KCNMA1: variants seen among roughly 807,000 people sequenced by gnomAD.
KCNMA1 encodes Calcium-activated potassium channel subunit alpha-1.
KCNMA1 carries 29 observed loss-of-function variants against 140.0 expected under a neutral mutation model. That is an observed-to-expected ratio of 0.21 (90% CI 0.15 to 0.28). KCNMA1 has a LOEUF of 0.28. Among genes scored for constraint, KCNMA1 ranks in the 10% least tolerant of loss-of-function variants. KCNMA1 has a pLI of 1.00. For synonymous variants in KCNMA1, 612 were observed against 611.9 expected (o/e 1.00, Z 0.00); for missense variants, 880 against 1,602.2 (o/e 0.55, Z 7.70).
intron 15 of KCNMA1, among the ~76,000 whole-genome samples, chr10:77,030,537 AC>A (rs1240878024): frequency 2.0e-5 from 3 of 152,142 alleles, no homozygotes; most frequent in Non-Finnish European, 4.4e-5. Flanking sequence ...ATGAGCAATG[AC>A]CAGTCCACTT....
chr10:77,262,832 C>T (rs748816516), intron 2 of KCNMA1, among the ~76,000 whole-genome samples: 14 of 152,020 alleles, frequency 9.2e-5, no homozygotes, highest in Non-Finnish European at 1.9e-4. Context: ...GAACCATGAA[C>T]CAAGATAAAT....
intron 1 of KCNMA1, among the ~76,000 whole-genome samples, chr10:77,432,586 C>T (rs2097175958): frequency 6.6e-6 from 1 of 152,160 alleles, no homozygotes; most frequent in Admixed American, 6.5e-5. Context: ...GAAACAGAGG[C>T]CCATGAAAGG....
At chr10:77,311,636 G>A (rs1602106840) in intron 2 of KCNMA1, among the ~76,000 whole-genome samples, 1 of 152,196 alleles carries the variant, frequency 6.6e-6, no homozygotes, top group African/African-American at 2.4e-5. Flanking sequence ...GAGAGAGCAA[G>A]CGAGCTGGGC....
chr10:77,427,288 GAC>G (rs1566781889), intron 1 of KCNMA1, among the ~76,000 whole-genome samples: 1 of 152,222 alleles, frequency 6.6e-6, no homozygotes, highest in African/African-American at 2.4e-5. Context: ...GCTCACAGCA[GAC>G]ACAGAGTGAA....
intron 3 of KCNMA1, among the ~76,000 whole-genome samples, chr10:77,227,095 T>G (rs921471002): frequency 6.6e-6 from 1 of 152,216 alleles, no homozygotes; most frequent in African/African-American, 2.4e-5. Context: ...GCATAGTAGA[T>G]AATGATTCTG....
intron 19 of KCNMA1, among the ~76,000 whole-genome samples, chr10:76,983,028 T>C (rs1454746249): frequency 6.6e-6 from 1 of 152,228 alleles, no homozygotes; most frequent in Admixed American, 6.5e-5. Flanking sequence ...GATTTCAGGA[T>C]GGCTATTTCT....
At chr10:77,257,828 C>CT (rs200321667) in intron 2 of KCNMA1, among the ~76,000 whole-genome samples, 2,067 of 152,314 alleles carry the variant, frequency 0.014, 43 homozygotes, top group African/African-American at 0.047. Flanking sequence ...TAAGATGTGA[C>CT]TTGCTCCTCC....
At chr10:77,451,329 AC>A (rs1347678285) in intron 1 of KCNMA1, among the ~76,000 whole-genome samples, 4 of 152,070 alleles carry the variant, frequency 2.6e-5, no homozygotes, top group African/African-American at 7.2e-5. Flanking sequence ...AAAAAGAGGA[AC>A]CCTGTGCCCC....
At chr10:77,417,802 C>T (rs2096775636) in intron 1 of KCNMA1, among the ~76,000 whole-genome samples, 1 of 152,188 alleles carries the variant, frequency 6.6e-6, no homozygotes, top group African/African-American at 2.4e-5. Flanking sequence ...GGTCGTCAGA[C>T]AGCCTTTCCC....
At position 77,142,212 on chromosome 10, in the gene KCNMA1, CA is replaced by C. The variant is rs891850890; in HGVS notation, c.809-21165del. 2.0e-5 allele frequency among the ~76,000 whole-genome samples: 3 copies of C among 150,456 alleles called. No individual in the cohort carries two copies. The East Asian group carries it at 5.9e-4, about 30-fold the overall frequency. ...GAAACCCTGTCTCTACTAAAAAATA[CA>C]AAAAAAAATTAGCCGGGCGTGGTGG... is the stretch of plus-strand genomic sequence containing the variant. On this transcript the variant is annotated intron_variant, in intron 5 of 27. Coordinates refer to ENST00000286628, the MANE Select transcript of KCNMA1 (RefSeq NM_001161352.2).
At chr10:77,632,650 T>C (rs768933591) in intron 1 of KCNMA1, among the ~76,000 whole-genome samples, 4 of 152,254 alleles carry the variant, frequency 2.6e-5, no homozygotes, top group Non-Finnish European at 4.4e-5. Context: ...TTTTGATCTA[T>C]GACAGTATAC....
chr10:76,918,121 T>C (rs1330614039), intron 23 of KCNMA1, among the ~76,000 whole-genome samples: 1 of 152,218 alleles, frequency 6.6e-6, no homozygotes, highest in Non-Finnish European at 1.5e-5. Flanking sequence ...GAAGTCTCTC[T>C]ACATTAAACA....
chr10:76,899,873 T>C (rs575852152), intron 25 of KCNMA1, among the ~76,000 whole-genome samples: 13 of 152,282 alleles, frequency 8.5e-5, no homozygotes, highest in African/African-American at 2.9e-4. Flanking sequence ...GTAATAATTA[T>C]ATAATACTAA....
At chr10:76,904,242 G>A (rs1394965048) in intron 25 of KCNMA1, 1 of 152,190 alleles carries the variant, frequency 6.6e-6, no homozygotes, top group East Asian at 1.9e-4. Flanking sequence ...CCTAATTCAT[G>A]GCCCAGTTTC....
intron 25 of KCNMA1, among the ~76,000 whole-genome samples, chr10:76,897,849 A>G (rs1469713994): frequency 2.0e-5 from 3 of 152,034 alleles, no homozygotes; most frequent in Non-Finnish European, 4.4e-5. Flanking sequence ...TGATGGAAAT[A>G]AAGGCATGAA....
intron 2 of KCNMA1, among the ~76,000 whole-genome samples, chr10:77,348,361 G>A (rs2092457809): frequency 6.6e-6 from 1 of 152,190 alleles, no homozygotes; most frequent in East Asian, 1.9e-4. Context: ...CAAAAGTGAA[G>A]AGGCCATTGT....
At chr10:77,593,126 G>A (rs563127987) in intron 1 of KCNMA1, among the ~76,000 whole-genome samples, 30 of 152,308 alleles carry the variant, frequency 2.0e-4, no homozygotes, top group East Asian at 7.7e-4. Flanking sequence ...CAGGGTTGAC[G>A]TGAGTAAGCA....
chr10:76,955,377 G>A (rs1013215655), intron 20 of KCNMA1, among the ~76,000 whole-genome samples: 7 of 151,822 alleles, frequency 4.6e-5, no homozygotes, highest in African/African-American at 7.3e-5. Flanking sequence ...TAACTACCAC[G>A]ACCCTCCAAT....
chr10:76,919,664 C>A (rs912164189), intron 23 of KCNMA1, among the ~76,000 whole-genome samples: 10 of 152,106 alleles, frequency 6.6e-5, no homozygotes, highest in African/African-American at 2.2e-4. Context: ...CACCTATAAG[C>A]CATGGCACTA....
Sources: gnomAD v4.1 joint callset for allele counts (sites outside exome capture counted in the v4.1 genomes callset) on GRCh38, gnomAD v4.1.1 for gene constraint, MANE v1.5 for transcripts, NCBI Gene and HGNC (gene_info 2026-07-23, HGNC 2026-07-21) for gene names.